Variants in INSIG1 observed in about 807,000 individuals in gnomAD.
The protein encoded by INSIG1 is insulin induced gene 1, also known as insulin-induced gene 1 protein.
Under a neutral mutation model 26.5 loss-of-function variants are expected in INSIG1, and 14 were observed. The observed-to-expected ratio is 0.53, with a 90% CI of 0.35 to 0.83. INSIG1 has a LOEUF of 0.83. INSIG1 is among the 40% of genes least tolerant of loss of function. The pLI is 0.01. For synonymous variants in INSIG1, 147 were observed against 153.3 expected (o/e 0.96, Z 0.30); for missense variants, 272 against 368.9 (o/e 0.74, Z 2.15).
rs528413853 is a variant in INSIG1 at position 155,301,090 on chromosome 7, C to T, written c.413-476C>T. On this transcript the variant is annotated intron_variant, in intron 2 of 5. Coordinates refer to ENST00000340368, the MANE Select transcript of INSIG1 (RefSeq NM_005542.6). Reference sequence around the variant, plus strand: ...ACATCAGCAAATATGTATCTCATCACGTGCCCAGCCCCAGTACTGGGTGGT... The same window carrying T: ...ACATCAGCAAATATGTATCTCATCATGTGCCCAGCCCCAGTACTGGGTGGT... 1.4e-4 allele frequency among the ~76,000 whole-genome samples: 22 copies of T among 152,344 alleles called. No individual in the cohort carries two copies. In the East Asian group the frequency reaches 3.9e-3, roughly 27 times the overall value.
rs1431961992 is a variant in INSIG1, at chr7:155,299,145, A to C, written c.412+448A>C. 2.6e-5 allele frequency among the ~76,000 whole-genome samples: 4 copies of C among 152,338 alleles called. No individual in the cohort carries two copies. The East Asian group carries it at 7.7e-4, about 29-fold the overall frequency. On this transcript the variant is annotated intron_variant, in intron 2 of 5. Transcript: ENST00000340368. Reference sequence around the variant, plus strand: ...GGATAACTGAAAACAAACCCGTCACATGGGTTCAGGAGGCGGTTGCCAGGG... The same window carrying C: ...GGATAACTGAAAACAAACCCGTCACCTGGGTTCAGGAGGCGGTTGCCAGGG...
intron 5 of INSIG1, among the ~76,000 whole-genome samples, chr7:155,306,600 T>C (rs1284727266): frequency 6.6e-6 from 1 of 152,276 alleles, no homozygotes; most frequent in African/African-American, 2.4e-5. Context: ...CTCTTACTGC[T>C]GCACAGGAGG....
intron 2 of INSIG1, 86 bp from the exon 3 acceptor site, chr7:155,301,480 G>A (rs1035206999): frequency 9.7e-6 from 12 of 1,234,796 alleles, no homozygotes; most frequent in Admixed American, 6.6e-5. Context: ...ACTGGTTTGA[G>A]TAATGTACTG....
At chr7:155,304,168 T>C in intron 5 of INSIG1, among the ~76,000 whole-genome samples, 1 of 152,186 alleles carries the variant, frequency 6.6e-6, no homozygotes, top group East Asian at 1.9e-4. Context: ...CTCCCTGCCT[T>C]GTCCAGGCCG....
chr7:155,298,362 G>A lies in INSIG1; in HGVS notation c.77G>A (p.Ser26Asn). ...SARRRGPPRA[S>N]AAGLAAKVGE... is the part of the protein sequence containing the mutation. ...AGGCGCCGAGGCCCCCCGCGAGCCA[G>A]CGCCGCGGGGCTGGCGGCCAAGGTT... Residue 26 changes from serine (S) to asparagine (N), a missense_variant, in exon 2 of 6, where the codon AGC (serine) becomes AAC (asparagine). Physicochemically the swap from Ser to Asn is conservative, Grantham distance 46 (BLOSUM62 1). Around this residue, in one of 2 missense-constraint regions of INSIG1, gnomAD observed 161 missense variants for 179.2 expected, o/e 0.90. Coordinates refer to ENST00000340368, the MANE Select transcript of INSIG1 (RefSeq NM_005542.6). The A allele has an allele frequency of 2.0e-6, 3 of 1,518,154 alleles. No homozygotes were observed. In the South Asian group the frequency reaches 4.0e-5, roughly 20 times the overall value. The allele number at this position is 1,518,154 out of a possible 1,614,324, so 94.0% of individuals were successfully genotyped here.
At chr7:155,299,242 CCTGAACTGTTAGAGCT>C (rs1313130884) in intron 2 of INSIG1, among the ~76,000 whole-genome samples, 1 of 152,198 alleles carries the variant, frequency 6.6e-6, no homozygotes, top group African/African-American at 2.4e-5. Context: ...CCGCCTACAC[CCTGAACTGTTAGAGCT>C]CTGTAGATTA....
intron 5 of INSIG1, among the ~76,000 whole-genome samples, chr7:155,304,125 G>A (rs1797871066): frequency 2.0e-5 from 3 of 152,000 alleles, no homozygotes; most frequent in South Asian, 4.2e-4. Flanking sequence ...CACCATACCC[G>A]GCTAACTTTT....
Position 155,302,442 on chromosome 7 carries a change from G to T in INSIG1, c.704+25G>T. 2 of 1,539,848 alleles carry T rather than the reference G, an allele frequency of 1.3e-6. No homozygotes were observed. Among genetic ancestry groups the T allele is most frequent in the South Asian group, 1.3e-5 (1 of 79,250 alleles). ...AGTAAGTGTGTGTTTTCAAATATTG[G>T]CTTTGGAAAGCTTACTTAACTTTCA... On this transcript the variant is annotated intron_variant, in intron 4 of 5. Coordinates refer to ENST00000340368, the MANE Select transcript of INSIG1 (RefSeq NM_005542.6). This position sits in a 1 kb window ranked among gnomAD's most constrained non-coding sequence, Gnocchi z 4.3.
At chr7:155,298,732 AGG>A in intron 2 of INSIG1, 35 bp downstream of exon 2, 1 of 1,582,374 alleles carries the variant, frequency 6.3e-7, no homozygotes. Context: ...GGAAGTAAAA[AGG>A]GTGTCTTTTC....
chr7:155,303,313 C>G (rs761455849), intron 5 of INSIG1, among the ~76,000 whole-genome samples: 3 of 152,222 alleles, frequency 2.0e-5, no homozygotes, highest in Non-Finnish European at 4.4e-5. Flanking sequence ...TCAAGCAAAT[C>G]GAGCCTGAGG....
intron 5 of INSIG1, among the ~76,000 whole-genome samples, chr7:155,307,094 GTTTGCTC>G (rs1797957434): frequency 6.6e-6 from 1 of 152,216 alleles, no homozygotes; most frequent in African/African-American, 2.4e-5. Flanking sequence ...GCTGCCAAGA[GTTTGCTC>G]TTTTGTTTTC....
intron 2 of INSIG1, among the ~76,000 whole-genome samples, chr7:155,300,998 A>T (rs562991194): frequency 7.4e-4 from 113 of 152,318 alleles, no homozygotes; most frequent in African/African-American, 2.5e-3. Flanking sequence ...CGTACAGAAC[A>T]TGCTAGAACC....
rs767139675 is a variant in INSIG1, at chr7:155,308,487, T to C, written c.*217T>C. ...TCCCTTGACTGCCCGCACTGGCGCC[T>C]GTCTGTGCCCTGGAGCATTCTGCCC... On this transcript the variant is annotated 3_prime_UTR_variant, in exon 6 of 6. Coordinates refer to ENST00000340368, the MANE Select transcript of INSIG1 (RefSeq NM_005542.6). 9.7e-6 allele frequency: 6 copies of C among 618,500 alleles called. No individual in the cohort carries two copies. Among genetic ancestry groups the C allele is most frequent in the Non-Finnish European group, 1.8e-5 (6 of 340,076 alleles). 38.3% of individuals were successfully genotyped at this position (618,500 alleles called of 1,614,324 possible).
At chr7:155,306,146 C>T (rs1425203128) in intron 5 of INSIG1, among the ~76,000 whole-genome samples, 17 of 151,970 alleles carry the variant, frequency 1.1e-4, no homozygotes, top group Admixed American at 1.1e-3. Context: ...ATCACAGGCG[C>T]CCACCACCGC....
intron 5 of INSIG1, among the ~76,000 whole-genome samples, chr7:155,307,466 G>A (rs189239641): frequency 3.4e-3 from 522 of 152,302 alleles, no homozygotes; most frequent in Non-Finnish European, 5.5e-3. Flanking sequence ...TTTAGCAGAA[G>A]CTCCGTGGCC....
intron 2 of INSIG1, among the ~76,000 whole-genome samples, chr7:155,300,707 A>G (rs1797760092): frequency 6.6e-6 from 1 of 152,214 alleles, no homozygotes; most frequent in African/African-American, 2.4e-5. Flanking sequence ...GTTCGTGTCT[A>G]TAAAGAATAA....
chr7:155,305,414 C>T (rs927514857), intron 5 of INSIG1, among the ~76,000 whole-genome samples: 1 of 152,194 alleles, frequency 6.6e-6, no homozygotes, highest in African/African-American at 2.4e-5. Context: ...ATCCGTTCCT[C>T]AGGCTGTGCC....
chr7:155,303,815 T>C (rs1245176884), intron 5 of INSIG1: 7 of 1,356,886 alleles, frequency 5.2e-6, no homozygotes, highest in Non-Finnish European at 6.9e-6. Context: ...AGTACATTTA[T>C]TTTTGCCAGC....
Position 155,302,581 on chromosome 7 carries a change from C to T in INSIG1, c.704+164C>T, listed in dbSNP as rs184422722. On this transcript the variant is annotated intron_variant, in intron 4 of 5. Transcript: ENST00000340368. This position sits in a 1 kb window ranked among gnomAD's most constrained non-coding sequence, Gnocchi z 4.3. The stretch of plus-strand genomic sequence containing the variant: ...TGCTGCTATCCATAACTTAATGTAA[C>T]GCAAAGGAAAACCAAGTAGTAGCAG... 99 of 971,138 alleles carry T rather than the reference C, an allele frequency of 1.0e-4. No homozygotes were observed. Among genetic ancestry groups the T allele is most frequent in the African/African-American group, 4.6e-4 (28 of 60,976 alleles). 60.2% of individuals were successfully genotyped at this position (971,138 alleles called of 1,614,324 possible).
Sources: allele counts gnomAD v4.1 joint callset (sites outside exome capture counted in the v4.1 genomes callset), GRCh38; gene constraint gnomAD v4.1.1; regional missense constraint gnomAD v4.1.1; non-coding constraint Gnocchi (gnomAD v3.1); transcripts MANE v1.5; gene names NCBI Gene and HGNC (gene_info 2026-07-23, HGNC 2026-07-21).